CNGB3: variants seen among roughly 807,000 people sequenced by gnomAD.
The protein encoded by CNGB3 is cyclic nucleotide-gated channel beta-3.
CNGB3 carries 86 observed loss-of-function variants against 92.8 expected under a neutral mutation model. The observed-to-expected ratio is 0.93, with a 90% CI of 0.78 to 1.11. The LOEUF is 1.11. CNGB3 is among the 50% of genes least tolerant of loss of function. The pLI is 0.00. For synonymous variants in CNGB3, 333 were observed against 332.7 expected (o/e 1.00, Z -0.01); for missense variants, 1,026 against 956.8 (o/e 1.07, Z -0.95).
Position 86,626,033 on chromosome 8 carries a change from G to A in CNGB3, c.1528C>T (p.Leu510Phe). Residue 510 changes from leucine to phenylalanine, a missense_variant, in exon 13 of 18, where the codon CTC becomes TTC. Coordinates refer to ENST00000320005, the MANE Select transcript of CNGB3 (RefSeq NM_019098.5). Reference protein sequence around the residue: ...KTLPTTVQLALAIDVNFSIIS... With the variant: ...KTLPTTVQLAFAIDVNFSIIS... ...ATGCTGAAGTTCACATCAATGGCGA[G>A]GGCTAACTGGACCGTAGTTGGTAGG... is the stretch of plus-strand genomic sequence containing the variant. 2 of 1,613,850 alleles carry A rather than the reference G, an allele frequency of 1.2e-6. No homozygotes were observed. The highest frequency in any genetic ancestry group is 1.7e-6 in the Non-Finnish European group (2 of 1,179,906).
chr8:86,585,880 G>A (rs1054965013), intron 15 of CNGB3, among the ~76,000 whole-genome samples: 3 of 152,192 alleles, frequency 2.0e-5, no homozygotes, highest in Non-Finnish European at 2.9e-5. Context: ...ATGGATGGAA[G>A]GAGATAGGTC....
chr8:86,593,113 G>T (rs1452737812), intron 15 of CNGB3, among the ~76,000 whole-genome samples: 1 of 152,104 alleles, frequency 6.6e-6, no homozygotes, highest in Non-Finnish European at 1.5e-5. Context: ...TGCACATACA[G>T]ATTTTTAACA....
chr8:86,581,863 A>C (rs1281207381), intron 15 of CNGB3, among the ~76,000 whole-genome samples: 1 of 152,180 alleles, frequency 6.6e-6, no homozygotes, highest in Non-Finnish European at 1.5e-5. Context: ...AACTAGAAGG[A>C]ATTTGAAGCC....
At chr8:86,737,460 G>A (rs1825267663) in intron 2 of CNGB3, among the ~76,000 whole-genome samples, 1 of 152,134 alleles carries the variant, frequency 6.6e-6, no homozygotes, top group South Asian at 2.1e-4. Context: ...AAGTAAGTAT[G>A]AGAGTGGGGC....
At chr8:86,738,865 G>A (rs376338158) in intron 2 of CNGB3, among the ~76,000 whole-genome samples, 11 of 151,452 alleles carry the variant, frequency 7.3e-5, no homozygotes, top group African/African-American at 2.2e-4. Context: ...AAGGGAAGTG[G>A]GTTTCAGGGT....
chr8:86,682,461 G>GT (rs1461845225), intron 3 of CNGB3, among the ~76,000 whole-genome samples: 4 of 152,176 alleles, frequency 2.6e-5, no homozygotes, highest in African/African-American at 9.7e-5. Flanking sequence ...CAAGAGGCCA[G>GT]TTTGACAGGG....
At chr8:86,736,808 T>A (rs1235988582) in intron 2 of CNGB3, among the ~76,000 whole-genome samples, 1 of 151,092 alleles carries the variant, frequency 6.6e-6, no homozygotes, top group African/African-American at 2.5e-5. Context: ...TGATTCTTAC[T>A]ATTTATGGAA....
intron 3 of CNGB3, among the ~76,000 whole-genome samples, chr8:86,682,077 C>A (rs550382249): frequency 5.9e-5 from 9 of 152,082 alleles, no homozygotes; most frequent in Non-Finnish European, 1.2e-4. Context: ...GCATGCAGAG[C>A]TCTGTAAAAG....
At chr8:86,680,621 G>A (rs1427566957) in intron 3 of CNGB3, among the ~76,000 whole-genome samples, 2 of 152,182 alleles carry the variant, frequency 1.3e-5, no homozygotes, top group Non-Finnish European at 2.9e-5. Context: ...GACTAGAGAA[G>A]CAGAGCTGTA....
At chr8:86,673,514 T>C (rs1446412614) in intron 3 of CNGB3, among the ~76,000 whole-genome samples, 7 of 152,102 alleles carry the variant, frequency 4.6e-5, no homozygotes. Flanking sequence ...GATGGTCCCA[T>C]GTGATCTATT....
intron 3 of CNGB3, among the ~76,000 whole-genome samples, chr8:86,720,884 A>AC (rs1824959936): frequency 1.4e-5 from 2 of 141,240 alleles, no homozygotes; most frequent in African/African-American, 5.2e-5. Context: ...ACACACACAC[A>AC]ATGGAATACT....
At chr8:86,701,099 C>T (rs911294089) in intron 3 of CNGB3, among the ~76,000 whole-genome samples, 2 of 152,138 alleles carry the variant, frequency 1.3e-5, no homozygotes, top group Non-Finnish European at 2.9e-5. Flanking sequence ...ATTTTTTATA[C>T]TTTGGGAAGG....
chr8:86,709,049 C>A (rs1824702751), intron 3 of CNGB3, among the ~76,000 whole-genome samples: 1 of 152,068 alleles, frequency 6.6e-6, no homozygotes, highest in South Asian at 2.1e-4. Context: ...GTGGAAAATG[C>A]TGCAACATGT....
chr8:86,666,867 G>C (rs1406360763), intron 6 of CNGB3, 58 bp downstream of exon 6: 7 of 1,354,192 alleles, frequency 5.2e-6, no homozygotes, highest in Non-Finnish European at 7.4e-6. Context: ...GTTACTTTTT[G>C]TAGCCCAATT....
rs1823067384 is a variant in CNGB3, at chr8:86,636,164, A to G, written c.1179-3271T>C. The stretch of plus-strand genomic sequence containing the variant: ...CTTCTTATTTTTTGGATGTATTTCA[A>G]AATAATTTCTAGACAGCCAGAAACT... On this transcript the variant is annotated intron_variant, in intron 10 of 17. Coordinates refer to ENST00000320005, the MANE Select transcript of CNGB3 (RefSeq NM_019098.5). 1.3e-5 allele frequency among the ~76,000 whole-genome samples: 2 copies of G among 152,176 alleles called. 1 individual carries two copies. Among genetic ancestry groups the G allele is most frequent in the East Asian group, 3.9e-4 (2 of 5,170 alleles).
chr8:86,595,011 C>T (rs569887661), intron 15 of CNGB3, among the ~76,000 whole-genome samples: 4 of 152,256 alleles, frequency 2.6e-5, no homozygotes, highest in African/African-American at 4.8e-5. Flanking sequence ...CGTGAGCCAC[C>T]GCACCCAGCT....
chr8:86,608,070 G>A (rs868607618), intron 14 of CNGB3, among the ~76,000 whole-genome samples: 4 of 152,132 alleles, frequency 2.6e-5, no homozygotes, highest in South Asian at 2.1e-4. Context: ...GCAAGAGACC[G>A]AGGACACAAG....
At chr8:86,609,175 A>G (rs1336586711) in intron 14 of CNGB3, among the ~76,000 whole-genome samples, 4 of 152,226 alleles carry the variant, frequency 2.6e-5, no homozygotes, top group Non-Finnish European at 4.4e-5. Context: ...ACTTTGTTAA[A>G]CAAATTTGCA....
At chr8:86,610,232 G>T (rs1308310005) in intron 14 of CNGB3, among the ~76,000 whole-genome samples, 1 of 152,158 alleles carries the variant, frequency 6.6e-6, no homozygotes, top group East Asian at 1.9e-4. Context: ...CACTAGAAAG[G>T]TAGGCCCCTA....
Sources: gnomAD v4.1 joint callset for allele counts (sites outside exome capture counted in the v4.1 genomes callset) on GRCh38, gnomAD v4.1.1 for gene constraint, MANE v1.5 for transcripts, NCBI Gene and HGNC (gene_info 2026-07-23, HGNC 2026-07-21) for gene names.